HSF2BP: variants seen among roughly 807,000 people sequenced by gnomAD.
HSF2BP encodes the protein heat shock factor 2-binding protein.
HSF2BP carries 35 observed loss-of-function variants against 35.0 expected under a neutral mutation model. The observed-to-expected ratio is 1.00, with a 90% CI of 0.76 to 1.32. The LOEUF (loss-of-function observed/expected upper bound fraction) is 1.32, where lower values mean the gene tolerates loss of function less well. HSF2BP is among the 40% of genes most tolerant of loss of function. The pLI is 0.00. For synonymous variants in HSF2BP, 114 were observed against 117.4 expected (o/e 0.97, Z 0.18); for missense variants, 326 against 321.7 (o/e 1.01, Z -0.10).
intron 8 of HSF2BP, among the ~76,000 whole-genome samples, chr21:43,586,729 CA>C (rs35123175): frequency 0.06 from 9,136 of 152,028 alleles, 388 homozygotes; most frequent in Non-Finnish European, 0.091. Flanking sequence ...TAAAATACAT[CA>C]AATTTCTTAA....
At chr21:43,496,064 C>T in the HSF2BP span, among the ~76,000 whole-genome samples, 2 of 135,240 alleles carry the variant, frequency 1.5e-5, 1 homozygote, top group Non-Finnish European at 3.3e-5. Context: ...TCCCCTGCCA[C>T]ACACTATCAC....
At chr21:43,582,252 A>G (rs111837173) in intron 8 of HSF2BP, among the ~76,000 whole-genome samples, 1,928 of 52,464 alleles carry the variant, frequency 0.037, 30 homozygotes, top group Middle Eastern at 0.077. Context: ...CTGCTGAGGG[A>G]GATGAGTGCC....
chr21:43,584,676 A>G (rs1333918478), intron 8 of HSF2BP, among the ~76,000 whole-genome samples: 4 of 152,218 alleles, frequency 2.6e-5, no homozygotes, highest in African/African-American at 9.6e-5. Flanking sequence ...AAACCAGCCT[A>G]CTAATTCTCA....
intron 6 of HSF2BP, among the ~76,000 whole-genome samples, chr21:43,627,849 G>A (rs1189814507): frequency 6.6e-6 from 1 of 152,104 alleles, no homozygotes; most frequent in Non-Finnish European, 1.5e-5. Flanking sequence ...CTTAATTCAT[G>A]TCTCTGTGTC....
At chr21:43,610,352 G>A (rs1057463437) in intron 7 of HSF2BP, among the ~76,000 whole-genome samples, 12 of 151,930 alleles carry the variant, frequency 7.9e-5, no homozygotes, top group African/African-American at 2.7e-4. Flanking sequence ...ATTCTGGGAG[G>A]CTGAGGCAGG....
intron 5 of HSF2BP, among the ~76,000 whole-genome samples, chr21:43,633,047 C>CA (rs2082503512): frequency 6.6e-6 from 1 of 152,256 alleles, no homozygotes; most frequent in East Asian, 1.9e-4. Flanking sequence ...GGTAATATGT[C>CA]CACATATACC....
intron 3 of HSF2BP, among the ~76,000 whole-genome samples, chr21:43,645,690 G>A (rs1003469503): frequency 1.3e-5 from 2 of 152,146 alleles, no homozygotes; most frequent in Admixed American, 6.5e-5. Context: ...AGAGCCAGGC[G>A]CCTGGAAAAC....
rs773898198 is a variant in HSF2BP at position 43,592,304 on chromosome 21, A to G, written c.717T>C (p.Asn239=). ...TCAAGCCTTTCAAATTGATGCTTAC[A>G]TTGTATAGGGACATCAGCATTAGCC... The part of the protein sequence containing the change: ...LKVLMLMSLY[N]VSINLKGLKY... Residue 239 remains asparagine, a synonymous_variant, in exon 8 of 9, where the codon AAT becomes AAC. Transcript: ENST00000291560. The G allele has an allele frequency of 5.8e-5, 94 of 1,612,952 alleles. 1 individual carries two copies. In the Admixed American group the frequency reaches 6.3e-4, roughly 11 times the overall value.
intron 8 of HSF2BP, among the ~76,000 whole-genome samples, chr21:43,575,372 C>T (rs2081629820): frequency 6.6e-6 from 1 of 152,208 alleles, no homozygotes; most frequent in Non-Finnish European, 1.5e-5. Flanking sequence ...CAGAGAATTA[C>T]ACCCGCCACC....
chr21:43,467,839 C>T, the HSF2BP span, among the ~76,000 whole-genome samples: 300 of 127,414 alleles, frequency 2.4e-3, 4 homozygotes, highest in African/African-American at 8.2e-3. Context: ...ACACACCACA[C>T]ACCACATACA....
At position 43,613,178 on chromosome 21, in the gene HSF2BP, G is replaced by A. The variant is rs149503180; in HGVS notation, c.692+652C>T. 9.8e-4 allele frequency among the ~76,000 whole-genome samples: 149 copies of A among 152,328 alleles called. 2 individuals are homozygous for A. Among genetic ancestry groups the A allele is most frequent in the African/African-American group, 3.4e-3 (140 of 41,562 alleles). ...AGAGGAAGTCTCAGAGACTGGAAAC[G>A]TGGGAAGGATTCAATGAGCGACTGT... On this transcript the variant is annotated intron_variant, in intron 7 of 8. Transcript: ENST00000291560.
intron 8 of HSF2BP, among the ~76,000 whole-genome samples, chr21:43,588,768 A>C (rs2081889661): frequency 6.6e-6 from 1 of 152,178 alleles, no homozygotes; most frequent in Non-Finnish European, 1.5e-5. Context: ...GCCCGTAACA[A>C]CCAGCCTGAA....
chr21:43,615,938 C>A (rs1034688858), intron 6 of HSF2BP, among the ~76,000 whole-genome samples: 3 of 151,454 alleles, frequency 2.0e-5, no homozygotes, highest in Admixed American at 2.0e-4. Flanking sequence ...CAAACCTGAC[C>A]AAACTGTAGA....
chr21:43,579,729 T>C (rs2081697846), intron 8 of HSF2BP, among the ~76,000 whole-genome samples: 1 of 152,156 alleles, frequency 6.6e-6, no homozygotes, highest in South Asian at 2.1e-4. Context: ...TCAATAACTC[T>C]CTGTTGCCAA....
At chr21:43,603,356 G>A (rs893328292) in intron 7 of HSF2BP, among the ~76,000 whole-genome samples, 11 of 152,196 alleles carry the variant, frequency 7.2e-5, no homozygotes, top group Non-Finnish European at 1.3e-4. Context: ...AGTGGCCGGA[G>A]GGGAAGGAAA....
At chr21:43,614,957 C>T (rs373176231) in intron 6 of HSF2BP, among the ~76,000 whole-genome samples, 134 of 152,276 alleles carry the variant, frequency 8.8e-4, no homozygotes, top group African/African-American at 3.2e-3. Context: ...TGTGGAACAG[C>T]AAGTATCCCA....
intron 6 of HSF2BP, among the ~76,000 whole-genome samples, chr21:43,629,622 T>A (rs913113126): frequency 9.2e-5 from 14 of 152,154 alleles, no homozygotes; most frequent in African/African-American, 3.4e-4. Flanking sequence ...TTGATTTCAA[T>A]CCTCATGGAT....
chr21:43,588,281 G>C (rs1228676308), intron 8 of HSF2BP, among the ~76,000 whole-genome samples: 1 of 152,288 alleles, frequency 6.6e-6, no homozygotes, highest in African/African-American at 2.4e-5. Context: ...GGGAGGCTGA[G>C]GCAGGAGAAT....
Position 43,598,942 on chromosome 21 carries a change from A to G in HSF2BP, c.693-6614T>C, listed in dbSNP as rs2082019057. On this transcript the variant is annotated intron_variant, in intron 7 of 8. Transcript: ENST00000291560. The stretch of plus-strand genomic sequence containing the variant: ...GCAGAACTGAGTCACCGCAACAGAG[A>G]TCGTACGACCCCAAGAGCCTAAAAT... Among the ~76,000 whole-genome samples, 3 of 152,234 alleles carry G rather than the reference A, an allele frequency of 2.0e-5. No homozygotes were observed. In the South Asian group the frequency reaches 6.2e-4, roughly 32 times the overall value.
Sources: allele counts gnomAD v4.1 joint callset (sites outside exome capture counted in the v4.1 genomes callset), GRCh38; gene constraint gnomAD v4.1.1; transcripts MANE v1.5; gene names NCBI Gene and HGNC (gene_info 2026-07-23, HGNC 2026-07-21).